Variants in ZFC3H1 observed in about 807,000 individuals in gnomAD.
ZFC3H1 encodes the protein zinc finger C3H1 domain-containing protein.
In ZFC3H1, 71 loss-of-function variants were observed where a neutral mutation model predicts 243.7. That is an observed-to-expected ratio of 0.29 (90% confidence interval 0.24 to 0.36). ZFC3H1 has a LOEUF of 0.36. ZFC3H1 is among the 10% of genes least tolerant of loss of function. ZFC3H1 has a pLI of 1.00. For missense variants in ZFC3H1, 1,966 were observed against 2,317.1 expected (o/e 0.85, Z 3.11); for synonymous variants, 838 against 813.0 (o/e 1.03, Z -0.52).
Position 71,632,484 on chromosome 12 carries a change from G to A in ZFC3H1, c.2848C>T (p.Pro950Ser). 3.1e-6 allele frequency: 5 copies of A among 1,591,826 alleles called. No homozygotes were observed. The highest frequency in any genetic ancestry group is 4.2e-6 in the Non-Finnish European group (5 of 1,176,592). ...GAATGCTTTCTTGGACTTGATACTG[G>A]AGAACTGTCCAGTCTCATCATTTTG... is the stretch of plus-strand genomic sequence containing the variant. ...PNKMMRLDSS[P>S]VSSPRKHSAE... Residue 950 changes from proline (P) to serine (S), a missense_variant, in exon 15 of 35, where the codon CCA (proline) becomes TCA (serine). Transcript: ENST00000378743.
At chr12:71,619,272 GCTCT>G (rs759827300) in intron 27 of ZFC3H1, 39 bp downstream of exon 27, 2 of 1,559,264 alleles carry the variant, frequency 1.3e-6, no homozygotes, top group Non-Finnish European at 1.8e-6. Flanking sequence ...ACTGAACTGT[GCTCT>G]CTCTCATTCC....
At chr12:71,625,024 C>A (rs1421537050) in intron 22 of ZFC3H1, among the ~76,000 whole-genome samples, 5 of 152,150 alleles carry the variant, frequency 3.3e-5, no homozygotes, top group African/African-American at 1.2e-4. Flanking sequence ...AAAGACCAAG[C>A]AATTTCAAAG....
intron 1 of ZFC3H1, among the ~76,000 whole-genome samples, chr12:71,662,497 T>C (rs371822483): frequency 5.4e-3 from 553 of 103,336 alleles, no homozygotes; most frequent in East Asian, 7.9e-3. Flanking sequence ...TTTTTACCCC[T>C]CCCCCCCCCA....
chr12:71,661,350 T>C (rs1335028762), intron 1 of ZFC3H1, among the ~76,000 whole-genome samples: 1 of 152,064 alleles, frequency 6.6e-6, no homozygotes, highest in Non-Finnish European at 1.5e-5. Flanking sequence ...TATGCTTAAA[T>C]AGCCTTTCTG....
intron 31 of ZFC3H1, 25 bp downstream of exon 31, chr12:71,613,310 C>A (rs1468598114): frequency 6.4e-7 from 1 of 1,572,552 alleles, no homozygotes; most frequent in Non-Finnish European, 8.7e-7. Context: ...GGCAGAGGAC[C>A]AAAAGAATGT....
intron 13 of ZFC3H1, 30 bp downstream of exon 13, chr12:71,633,234 C>T (rs767664808): frequency 1.3e-6 from 2 of 1,540,466 alleles, no homozygotes; most frequent in East Asian, 2.3e-5. Flanking sequence ...GTGTAGTAAA[C>T]AGGAGACTAC....
chr12:71,621,601 C>T (rs1880030862), intron 24 of ZFC3H1, among the ~76,000 whole-genome samples: 1 of 152,176 alleles, frequency 6.6e-6, no homozygotes, highest in East Asian at 1.9e-4. Context: ...GCACCACGCA[C>T]GGCCAAGGTC....
At chr12:71,651,130 G>A (rs1238438153) in intron 2 of ZFC3H1, among the ~76,000 whole-genome samples, 1 of 152,182 alleles carries the variant, frequency 6.6e-6, no homozygotes, top group African/African-American at 2.4e-5. Context: ...ATAGATCTAA[G>A]GTAGAGACTG....
At chr12:71,624,031 T>G in intron 23 of ZFC3H1, 73 bp downstream of exon 23, 1 of 1,393,574 alleles carries the variant, frequency 7.2e-7, no homozygotes. Context: ...CATTAAATAA[T>G]GCTATGGATA....
At chr12:71,638,062 A>G (rs1416869532) in intron 7 of ZFC3H1, among the ~76,000 whole-genome samples, 1 of 152,164 alleles carries the variant, frequency 6.6e-6, no homozygotes, top group Non-Finnish European at 1.5e-5. Flanking sequence ...AATTTTTAGA[A>G]GCATCCTAAT....
intron 33 of ZFC3H1, 65 bp from the exon 34 acceptor site, chr12:71,610,822 T>C: frequency 2.0e-6 from 3 of 1,532,646 alleles, no homozygotes; most frequent in African/African-American, 1.4e-5. Context: ...CATAATTCCA[T>C]CTGTTTAAAG....
intron 2 of ZFC3H1, among the ~76,000 whole-genome samples, chr12:71,652,231 C>G (rs1384211364): frequency 2.6e-5 from 4 of 152,076 alleles, no homozygotes; most frequent in Non-Finnish European, 5.9e-5. Flanking sequence ...CATTTTAGTT[C>G]CTTTGATTTT....
intron 7 of ZFC3H1, among the ~76,000 whole-genome samples, chr12:71,637,963 A>G (rs1880506996): frequency 6.6e-6 from 1 of 152,058 alleles, no homozygotes; most frequent in South Asian, 2.1e-4. Flanking sequence ...GGGGGAAAAG[A>G]AATTAACTTC....
At chr12:71,614,327 TAA>T (rs1879843836) in intron 30 of ZFC3H1, among the ~76,000 whole-genome samples, 1 of 150,934 alleles carries the variant, frequency 6.6e-6, no homozygotes, top group South Asian at 2.1e-4. Context: ...CATAACATAA[TAA>T]TTAATGCACA....
chr12:71,622,929 T>C (rs1351417905), intron 24 of ZFC3H1, among the ~76,000 whole-genome samples: 1 of 152,130 alleles, frequency 6.6e-6, no homozygotes, highest in Non-Finnish European at 1.5e-5. Context: ...AATAGTCGTA[T>C]CATTTAATAT....
intron 2 of ZFC3H1, among the ~76,000 whole-genome samples, chr12:71,655,798 CT>C (rs1463870560): frequency 1.3e-5 from 2 of 151,938 alleles, no homozygotes; most frequent in Non-Finnish European, 2.9e-5. Flanking sequence ...TAACCTTACA[CT>C]AAAAACTGTC....
chr12:71,635,626 A>T (rs769775626), intron 9 of ZFC3H1, 46 bp from the exon 10 acceptor site: 2 of 1,485,152 alleles, frequency 1.3e-6, no homozygotes, highest in Non-Finnish European at 1.8e-6. Flanking sequence ...AAAGGATGTC[A>T]TTTAACCTTG....
chr12:71,645,679 T>G (rs911512170), intron 3 of ZFC3H1, among the ~76,000 whole-genome samples: 3 of 152,232 alleles, frequency 2.0e-5, no homozygotes, highest in African/African-American at 7.2e-5. Flanking sequence ...TCTGAATATT[T>G]TATATATTTT....
At chr12:71,612,283 A>G (rs889768462) in intron 31 of ZFC3H1, among the ~76,000 whole-genome samples, 3 of 152,088 alleles carry the variant, frequency 2.0e-5, no homozygotes, top group African/African-American at 7.2e-5. Context: ...AAATGCATGT[A>G]TAGTAACTAT....
Sources: allele counts gnomAD v4.1 joint callset (sites outside exome capture counted in the v4.1 genomes callset), GRCh38; gene constraint gnomAD v4.1.1; transcripts MANE v1.5; gene names NCBI Gene and HGNC (gene_info 2026-07-23, HGNC 2026-07-21).